The following KPNA4 variants were observed in gnomAD, a reference collection of about 807,000 sequenced individuals.
KPNA4 encodes the protein karyopherin subunit alpha 4.
Under a neutral mutation model 71.3 loss-of-function variants are expected in KPNA4, and 13 were observed. That is an observed-to-expected ratio of 0.18 (90% CI 0.12 to 0.29). KPNA4 has a LOEUF of 0.29. KPNA4 is among the 10% of genes least tolerant of loss of function. The pLI, the probability that KPNA4 is intolerant of heterozygous loss-of-function variation, is 1.00. For missense variants in KPNA4, 334 were observed against 603.2 expected (o/e 0.55, Z 4.67); for synonymous variants, 189 against 195.2 (o/e 0.97, Z 0.26).
intron 11 of KPNA4, among the ~76,000 whole-genome samples, chr3:160,519,801 C>CAAAA (rs558355699): frequency 1.8e-4 from 15 of 83,688 alleles, no homozygotes; most frequent in African/African-American, 5.9e-4. Flanking sequence ...GACTCCGTCT[C>CAAAA]AAAAAAAAAA....
intron 13 of KPNA4, among the ~76,000 whole-genome samples, chr3:160,511,229 T>C (rs950753054): frequency 4.0e-5 from 6 of 151,794 alleles, no homozygotes; most frequent in Non-Finnish European, 5.9e-5. Flanking sequence ...CCTCAGCCTC[T>C]CGAGTAGCTG....
At position 160,521,861 on chromosome 3, in the gene KPNA4, T is replaced by C. The variant is rs1315891433; in HGVS notation, c.821A>G (p.Asn274Ser). The C allele has an allele frequency of 8.1e-6, 13 of 1,613,304 alleles. No homozygotes were observed. Among genetic ancestry groups the C allele is most frequent in the South Asian group, 3.3e-5 (3 of 91,060 alleles). ...WALSYLTDAG[N>S]EQIQMVIDSG... is the part of the protein sequence containing the mutation. ...GTCTATTACCATCTGTATTTGTTCA[T>C]TGCCAGCATCAGTAAGGTAAGAGAG... is the stretch of plus-strand genomic sequence containing the variant. Residue 274 changes from asparagine (N) to serine (S), a missense_variant, in exon 11 of 17, where the codon AAT becomes AGT. Physicochemically the swap from Asn to Ser is conservative, Grantham distance 46. Transcript: ENST00000334256.
intron 14 of KPNA4, among the ~76,000 whole-genome samples, 184 bp from the exon 15 acceptor site, chr3:160,508,453 C>T (rs934576972): frequency 6.6e-6 from 1 of 151,670 alleles, no homozygotes; most frequent in Non-Finnish European, 1.5e-5. Flanking sequence ...TTCCTTTTTC[C>T]CGAACTTAGA....
intron 9 of KPNA4, 28 bp downstream of exon 9, chr3:160,525,910 C>G: frequency 1.3e-6 from 2 of 1,536,926 alleles, no homozygotes; most frequent in East Asian, 4.6e-5. Flanking sequence ...AATGGTATCT[C>G]TTTTAATTTT....
chr3:160,508,392 G>A, intron 14 of KPNA4, 123 bp from the exon 15 acceptor site: 1 of 586,798 alleles, frequency 1.7e-6, no homozygotes, highest in Admixed American at 3.9e-5. Context: ...TCTCTCTCAT[G>A]TTAAGTGTGC....
At chr3:160,507,888 A>G (rs1721018463) in intron 15 of KPNA4, among the ~76,000 whole-genome samples, 3 of 152,248 alleles carry the variant, frequency 2.0e-5, no homozygotes, top group African/African-American at 7.2e-5. Flanking sequence ...TCTTCCCAGT[A>G]ACTTATCACA....
intron 16 of KPNA4, among the ~76,000 whole-genome samples, chr3:160,504,356 C>A (rs1265670585): frequency 6.6e-6 from 1 of 152,136 alleles, no homozygotes; most frequent in Non-Finnish European, 1.5e-5. Flanking sequence ...CTGCACTGAA[C>A]CACTATAAAA....
rs1451953662 is a variant in KPNA4 at position 160,497,534 on chromosome 3, C to T, written c.*4570G>A. ...TTTAAAAGCATACTTTATTAATGTG[C>T]TTATTAAAAAGTTTAGGGAAAACTT... is the stretch of plus-strand genomic sequence containing the variant. On this transcript the variant is annotated 3_prime_UTR_variant, in exon 17 of 17. Transcript: ENST00000334256. 1 of 152,118 alleles carries T rather than the reference C, an allele frequency of 6.6e-6. No individual in the cohort carries two copies. Among genetic ancestry groups the T allele is most frequent in the African/African-American group, 2.4e-5 (1 of 41,414 alleles). 9.4% of individuals were successfully genotyped at this position (152,118 alleles called of 1,614,324 possible). A position where few individuals can be genotyped will look rare whatever the true frequency, so the allele number is the denominator to read the frequency against.
At chr3:160,503,326 T>C (rs970770253) in intron 16 of KPNA4, among the ~76,000 whole-genome samples, 21 of 152,092 alleles carry the variant, frequency 1.4e-4, no homozygotes, top group African/African-American at 5.1e-4. Flanking sequence ...AAACAAAAAA[T>C]ATTCCAAAAT....
intron 1 of KPNA4, among the ~76,000 whole-genome samples, chr3:160,556,117 A>G (rs1271583945): frequency 6.6e-6 from 1 of 152,244 alleles, no homozygotes; most frequent in Non-Finnish European, 1.5e-5. Context: ...TACAGGCGTG[A>G]GCCACTGCGC....
intron 1 of KPNA4, among the ~76,000 whole-genome samples, chr3:160,554,594 G>A (rs1487167694): frequency 6.6e-6 from 1 of 152,160 alleles, no homozygotes; most frequent in Non-Finnish European, 1.5e-5. Context: ...TTCAGGATGA[G>A]GGCTGATCAC....
At chr3:160,509,762 C>T in intron 14 of KPNA4, 38 bp downstream of exon 14, 2 of 1,247,996 alleles carry the variant, frequency 1.6e-6, no homozygotes, top group South Asian at 2.4e-5. Flanking sequence ...TTTTATTTTA[C>T]CAGTTTTGAG....
At chr3:160,538,111 A>C (rs1021191961) in intron 1 of KPNA4, among the ~76,000 whole-genome samples, 37 of 149,488 alleles carry the variant, frequency 2.5e-4, no homozygotes, top group Admixed American at 6.7e-4. Flanking sequence ...CACACACACT[A>C]TATATATATA....
At chr3:160,511,993 T>A (rs1304682758) in intron 13 of KPNA4, among the ~76,000 whole-genome samples, 1 of 152,156 alleles carries the variant, frequency 6.6e-6, no homozygotes, top group Non-Finnish European at 1.5e-5. Flanking sequence ...ATTTAATAGC[T>A]CCCTTTCATT....
intron 12 of KPNA4, 192 bp downstream of exon 12, chr3:160,515,260 A>G (rs761003535): frequency 7.6e-6 from 5 of 660,756 alleles, no homozygotes; most frequent in Admixed American, 2.1e-5. Flanking sequence ...TGCACTTTTC[A>G]TAACTGGTTT....
chr3:160,527,039 T>C (rs1049347191), intron 8 of KPNA4, among the ~76,000 whole-genome samples: 9 of 152,236 alleles, frequency 5.9e-5, no homozygotes, highest in African/African-American at 2.2e-4. Flanking sequence ...TACTTTCATG[T>C]TGGCCCTGTA....
intron 10 of KPNA4, among the ~76,000 whole-genome samples, chr3:160,523,201 T>G (rs1721390051): frequency 2.0e-5 from 3 of 152,234 alleles, no homozygotes; most frequent in Admixed American, 6.5e-5. Flanking sequence ...CAGGGAGTAG[T>G]GGCTCACGCC....
intron 1 of KPNA4, among the ~76,000 whole-genome samples, chr3:160,540,997 T>C (rs1721786968): frequency 6.6e-6 from 1 of 152,236 alleles, no homozygotes; most frequent in Non-Finnish European, 1.5e-5. Flanking sequence ...ATGCTAGCTC[T>C]ATTTAAAAGG....
In KPNA4 at chr3:160,500,312, TACTCTAGTTCAACA is replaced by T. The variant is rs977961067; in HGVS notation, c.*1778_*1791del. 3 of 152,628 alleles carry T rather than the reference TACTCTAGTTCAACA, an allele frequency of 2.0e-5. No homozygotes were observed. Among genetic ancestry groups the T allele is most frequent in the African/African-American group, 7.2e-5 (3 of 41,458 alleles). 9.5% of individuals were successfully genotyped at this position (152,628 alleles called of 1,614,324 possible). ...CTGATGACAAGGAATGCTGCAAAAA[TACTCTAGTTCAACA>T]AAGAGTTATGATCACAAAATAATTT... On this transcript the variant is annotated 3_prime_UTR_variant, in exon 17 of 17. Transcript: ENST00000334256.
Sources: gnomAD v4.1 joint callset for allele counts (sites outside exome capture counted in the v4.1 genomes callset) on GRCh38, gnomAD v4.1.1 for gene constraint, MANE v1.5 for transcripts, NCBI Gene and HGNC (gene_info 2026-07-23, HGNC 2026-07-21) for gene names.